GRID2: variants seen among roughly 807,000 people sequenced by gnomAD.
GRID2 encodes glutamate ionotropic receptor delta type subunit 2, also known as glutamate receptor ionotropic, delta-2.
GRID2 carries 33 observed loss-of-function variants against 114.8 expected under a neutral mutation model. That is an observed-to-expected ratio of 0.29 (90% CI 0.22 to 0.38). The LOEUF (loss-of-function observed/expected upper bound fraction) is 0.38. Among genes scored for constraint, GRID2 ranks in the 10% least tolerant of loss-of-function variants. GRID2 has a pLI of 1.00. For missense variants in GRID2, 1,184 were observed against 1,257.7 expected (o/e 0.94, Z 0.89); for synonymous variants, 505 against 449.9 (o/e 1.12, Z -1.55).
chr4:93,042,283 CTCTCTCTCTCTCTCTCTATA>C (rs1725617345), intron 2 of GRID2, among the ~76,000 whole-genome samples: 1 of 80,232 alleles, frequency 1.2e-5, no homozygotes, highest in Non-Finnish European at 2.5e-5. Context: ...CTTTCTCTCT[CTCTCTCTCTCTCTCTCTATA>C]TATATATATA....
At chr4:93,270,474 A>G (rs1030951643) in intron 8 of GRID2, among the ~76,000 whole-genome samples, 3 of 152,180 alleles carry the variant, frequency 2.0e-5, no homozygotes, top group Non-Finnish European at 4.4e-5. Context: ...ATTTTGGAGA[A>G]GACTTCTCTG....
chr4:93,759,201 T>A (rs1244747993), intron 14 of GRID2, among the ~76,000 whole-genome samples: 1 of 152,176 alleles, frequency 6.6e-6, no homozygotes. Context: ...AGATCCGTCA[T>A]GTTGCTAATT....
Position 93,644,267 on chromosome 4 carries a change from G to A in GRID2, c.2360+17832G>A, listed in dbSNP as rs1217720564. 6.1e-5 allele frequency among the ~76,000 whole-genome samples: 3 copies of A among 49,550 alleles called. 1 individual carries two copies. Among genetic ancestry groups the A allele is most frequent in the South Asian group, 5.0e-4 (1 of 1,990 alleles). The allele number at this position is 49,550 out of a possible 152,430, so 32.5% of individuals were successfully genotyped here. A position where few individuals can be genotyped will look rare whatever the true frequency, so the allele number is the denominator to read the frequency against. ...CTCAGATGGAAATGCAGAAATCACCGTCTTCTGCGTCGCTCACGCTGGGAG... is the reference window on the plus strand; with the variant it reads ...CTCAGATGGAAATGCAGAAATCACCATCTTCTGCGTCGCTCACGCTGGGAG... On this transcript the variant is annotated intron_variant, in intron 14 of 15. Coordinates refer to ENST00000282020, the MANE Select transcript of GRID2 (RefSeq NM_001510.4).
chr4:93,213,356 C>T (rs1743792462), intron 5 of GRID2, among the ~76,000 whole-genome samples: 1 of 152,004 alleles, frequency 6.6e-6, no homozygotes, highest in Non-Finnish European at 1.5e-5. Flanking sequence ...AAGAAACAAA[C>T]ACCACATAGT....
At chr4:93,367,259 G>C (rs1461996035) in intron 8 of GRID2, among the ~76,000 whole-genome samples, 1 of 144,562 alleles carries the variant, frequency 6.9e-6, no homozygotes, top group Non-Finnish European at 1.5e-5. Context: ...TGGAGGAGGT[G>C]TATCAGAGCC....
chr4:92,736,201 GAGA>G, intron 2 of GRID2, among the ~76,000 whole-genome samples: 1 of 152,182 alleles, frequency 6.6e-6, no homozygotes, highest in East Asian at 1.9e-4. Context: ...GTATAACACT[GAGA>G]ACAGATTTTG....
chr4:92,716,751 C>A (rs979084370), intron 2 of GRID2, among the ~76,000 whole-genome samples: 1 of 152,154 alleles, frequency 6.6e-6, no homozygotes, highest in African/African-American at 2.4e-5. Flanking sequence ...TGAGTCAGTT[C>A]ATCCATGATT....
rs564225615 is a variant in GRID2 at position 93,445,313 on chromosome 4, G to A, written c.1546-10349G>A. Among the ~76,000 whole-genome samples the A allele has an allele frequency of 8.9e-4, 135 of 152,032 alleles. 4 individuals are homozygous for A. Among genetic ancestry groups the A allele is most frequent in the Non-Finnish European group, 1.1e-3 (77 of 67,932 alleles). On this transcript the variant is annotated intron_variant, in intron 10 of 15. Coordinates refer to ENST00000282020, the MANE Select transcript of GRID2 (RefSeq NM_001510.4). The stretch of plus-strand genomic sequence containing the variant: ...GATAAACCTGGGATAGTCAGCCAGG[G>A]AACTTCTTTCATGTTGATTTTTAAG...
At chr4:92,823,657 C>T (rs1330578454) in intron 2 of GRID2, among the ~76,000 whole-genome samples, 1 of 152,152 alleles carries the variant, frequency 6.6e-6, no homozygotes, top group Non-Finnish European at 1.5e-5. Flanking sequence ...AAAAATCTTA[C>T]ATCTTCCTTA....
chr4:93,513,109 G>T (rs1729359276), intron 12 of GRID2, among the ~76,000 whole-genome samples: 1 of 152,136 alleles, frequency 6.6e-6, no homozygotes, highest in Non-Finnish European at 1.5e-5. Context: ...GCCCAATCTT[G>T]TACTGGTAGG....
intron 1 of GRID2, among the ~76,000 whole-genome samples, chr4:92,357,005 G>A (rs1728361782): frequency 6.6e-6 from 1 of 151,734 alleles, no homozygotes. Context: ...AGAGCAACAT[G>A]CACGGATCCA....
chr4:93,410,258 T>TA lies in GRID2; in HGVS notation c.1348-12505dup, dbSNP rs528079624. ...CTGTAGCCTGAAAATATGTTCAAGG[T>TA]AAAAAAAAGCATTCTTTTGCTCTGA... is the stretch of plus-strand genomic sequence containing the variant. On this transcript the variant is annotated intron_variant, in intron 9 of 15. Transcript: ENST00000282020. Among the ~76,000 whole-genome samples the TA allele has an allele frequency of 1.2e-3, 185 of 152,088 alleles. 1 individual carries two copies. Among genetic ancestry groups the TA allele is most frequent in the African/African-American group, 4.2e-3 (173 of 41,498 alleles).
intron 1 of GRID2, among the ~76,000 whole-genome samples, chr4:92,498,285 G>A (rs926825528): frequency 7.9e-5 from 12 of 151,664 alleles, no homozygotes; most frequent in Non-Finnish European, 1.6e-4. Flanking sequence ...GTTCACAATT[G>A]GATTGCAAAA....
rs1045112809 is a variant in GRID2 at position 92,664,514 on chromosome 4, T to C, written c.244+74228T>C. ...CTCATGTGCAGTTAAGAAGAATGGGTATTCTATTGTTGTTGGGTATCATGT... is the reference window on the plus strand; with the variant it reads ...CTCATGTGCAGTTAAGAAGAATGGGCATTCTATTGTTGTTGGGTATCATGT... On this transcript the variant is annotated intron_variant, in intron 2 of 15. Coordinates refer to ENST00000282020, the MANE Select transcript of GRID2 (RefSeq NM_001510.4). 2.0e-5 allele frequency among the ~76,000 whole-genome samples: 3 copies of C among 151,248 alleles called. No homozygotes were observed. In the Admixed American group the frequency reaches 2.0e-4, roughly 10 times the overall value.
chr4:93,145,295 A>G (rs1331580969), intron 4 of GRID2, among the ~76,000 whole-genome samples: 1 of 152,152 alleles, frequency 6.6e-6, no homozygotes, highest in African/African-American at 2.4e-5. Flanking sequence ...CTATGTTTCT[A>G]GCACGTAGAG....
At chr4:92,820,100 A>G (rs1741175124) in intron 2 of GRID2, among the ~76,000 whole-genome samples, 1 of 152,136 alleles carries the variant, frequency 6.6e-6, no homozygotes, top group Non-Finnish European at 1.5e-5. Context: ...AAAGACTTTC[A>G]CATTCACTTC....
At chr4:92,701,977 C>T (rs1217100552) in intron 2 of GRID2, among the ~76,000 whole-genome samples, 1 of 152,048 alleles carries the variant, frequency 6.6e-6, no homozygotes, top group Non-Finnish European at 1.5e-5. Context: ...AGGATAACAG[C>T]GCAATCCTAT....
intron 1 of GRID2, among the ~76,000 whole-genome samples, chr4:92,541,695 G>A (rs896427268): frequency 6.6e-6 from 1 of 152,046 alleles, no homozygotes; most frequent in Non-Finnish European, 1.5e-5. Context: ...TTAATGAAGA[G>A]TGAAGAGAAA....
chr4:93,590,110 A>G (rs1172414803), intron 13 of GRID2, among the ~76,000 whole-genome samples: 1 of 149,966 alleles, frequency 6.7e-6, no homozygotes, highest in South Asian at 2.1e-4. Context: ...TTGGTGTTTT[A>G]GACATGAAGT....
Sources: gnomAD v4.1 joint callset for allele counts (sites outside exome capture counted in the v4.1 genomes callset) on GRCh38, gnomAD v4.1.1 for gene constraint, MANE v1.5 for transcripts, NCBI Gene and HGNC (gene_info 2026-07-23, HGNC 2026-07-21) for gene names.